The following CDH13 variants were observed in gnomAD, a reference collection of about 807,000 sequenced individuals.
CDH13 encodes the protein cadherin 13.
Under a neutral mutation model 63.8 loss-of-function variants are expected in CDH13, and 24 were observed. The ratio of observed to expected loss-of-function variants is 0.38; its 90% CI spans 0.27 to 0.53. The LOEUF (loss-of-function observed/expected upper bound fraction) is 0.53, where lower values mean the gene tolerates loss of function less well. Among genes scored for constraint, CDH13 ranks in the 20% least tolerant of loss-of-function variants. The probability of loss-of-function intolerance (pLI) is 0.85; values close to 1 mark genes in which losing one functional copy is unlikely to be tolerated. For synonymous variants in CDH13, 503 were observed against 355.3 expected, an observed-to-expected ratio of 1.42 and a Z score of -4.67; for missense variants, 1,049 against 903.1, an observed-to-expected ratio of 1.16 and a Z score of -2.07.
At chr16:82,936,044 C>T (rs2042656816) in intron 2 of CDH13, among the ~76,000 whole-genome samples, 2 of 152,042 alleles carry the variant, frequency 1.3e-5, no homozygotes, top group Non-Finnish European at 2.9e-5. Context: ...GGTCACCCCA[C>T]CCTAATCTTA....
At chr16:83,787,477 TGAATAC>T (rs1381806474) in intron 13 of CDH13, among the ~76,000 whole-genome samples, 3 of 152,238 alleles carry the variant, frequency 2.0e-5, no homozygotes, top group Admixed American at 1.3e-4. Context: ...TCCTGTCATT[TGAATAC>T]GGTGCAGTGG....
intron 2 of CDH13, among the ~76,000 whole-genome samples, chr16:83,007,326 A>T (rs1210438948): frequency 2.0e-5 from 3 of 152,234 alleles, no homozygotes; most frequent in African/African-American, 7.2e-5. Context: ...TGTAGTCTTC[A>T]CTATAATCCA....
intron 1 of CDH13, among the ~76,000 whole-genome samples, chr16:82,755,413 G>C (rs531453728): frequency 6.6e-6 from 1 of 152,218 alleles, no homozygotes; most frequent in Non-Finnish European, 1.5e-5. Flanking sequence ...TTAGAAAAGG[G>C]AGTGCACAGG....
At chr16:82,943,028 A>G (rs1904315723) in intron 2 of CDH13, among the ~76,000 whole-genome samples, 1 of 152,230 alleles carries the variant, frequency 6.6e-6, no homozygotes, top group Admixed American at 6.5e-5. Context: ...TCCCATTTTA[A>G]TATGACAGCT....
In CDH13 at chr16:83,433,371, G is replaced by A. The variant is rs1329412540; in HGVS notation, c.782-53106G>A. Among the ~76,000 whole-genome samples, 5 of 152,314 alleles carry A rather than the reference G, an allele frequency of 3.3e-5. No individual in the cohort carries two copies. In the East Asian group the frequency reaches 7.7e-4, roughly 23 times the overall value. ...TAGTTCCAATGAGTCAGCAAAAAATGAGAAACACGAAAAAGCTTTGTGACT... is the reference window on the plus strand; with the variant it reads ...TAGTTCCAATGAGTCAGCAAAAAATAAGAAACACGAAAAAGCTTTGTGACT... On this transcript the variant is annotated intron_variant, in intron 6 of 13. Transcript: ENST00000567109.
chr16:83,534,514 A>C (rs1337666979), intron 7 of CDH13, among the ~76,000 whole-genome samples: 1 of 152,176 alleles, frequency 6.6e-6, no homozygotes, highest in Non-Finnish European at 1.5e-5. Flanking sequence ...CCTGGCTAGC[A>C]CCTATGTGAA....
chr16:83,051,161 A>G (rs560967199), intron 3 of CDH13, among the ~76,000 whole-genome samples: 130 of 152,320 alleles, frequency 8.5e-4, no homozygotes, highest in African/African-American at 3.0e-3. Context: ...AAAGGCTGTC[A>G]GTCTTCCCAT....
At chr16:83,215,073 CTTTTT>C (rs571565652) in intron 4 of CDH13, among the ~76,000 whole-genome samples, 2 of 56,232 alleles carry the variant, frequency 3.6e-5, no homozygotes, top group African/African-American at 7.2e-5. Flanking sequence ...TCAAACACCT[CTTTTT>C]TTTTTTTTTT....
intron 7 of CDH13, chr16:83,508,391 GT>G (rs1228839853): frequency 6.5e-6 from 1 of 154,322 alleles, no homozygotes; most frequent in African/African-American, 2.4e-5. Context: ...CGATGCTTGG[GT>G]TGGATCATAG....
intron 1 of CDH13, among the ~76,000 whole-genome samples, chr16:82,743,214 G>A (rs981090642): frequency 6.6e-6 from 1 of 152,118 alleles, no homozygotes; most frequent in Non-Finnish European, 1.5e-5. Flanking sequence ...TTTAATAATT[G>A]TAGACCAGTG....
chr16:82,894,963 A>G (rs1455606890), intron 2 of CDH13, among the ~76,000 whole-genome samples: 1 of 152,116 alleles, frequency 6.6e-6, no homozygotes, highest in South Asian at 2.1e-4. Flanking sequence ...AGAGGTAGGG[A>G]AGGGGGATGA....
intron 5 of CDH13, among the ~76,000 whole-genome samples, chr16:83,219,112 C>G (rs968045679): frequency 3.3e-5 from 5 of 152,120 alleles, no homozygotes; most frequent in African/African-American, 1.2e-4. Flanking sequence ...CCATTCAGGT[C>G]TCAGTGCTGC....
intron 10 of CDH13, among the ~76,000 whole-genome samples, chr16:83,737,841 C>A (rs893673001): frequency 5.0e-4 from 76 of 152,208 alleles, no homozygotes; most frequent in Non-Finnish European, 1.2e-4. Flanking sequence ...AGGCAGAGAT[C>A]CACATTGGAA....
chr16:83,187,007 G>A (rs558410294), intron 4 of CDH13, among the ~76,000 whole-genome samples: 3 of 151,932 alleles, frequency 2.0e-5, no homozygotes, highest in South Asian at 4.2e-4. Flanking sequence ...GTCTCGCTCT[G>A]TCACCCAGGC....
At chr16:83,062,123 A>C (rs1188875596) in intron 3 of CDH13, among the ~76,000 whole-genome samples, 1 of 152,234 alleles carries the variant, frequency 6.6e-6, no homozygotes, top group African/African-American at 2.4e-5. Flanking sequence ...TGAGCTTTGC[A>C]TCTGGAAAGA....
At chr16:83,131,775 T>C (rs1246950327) in intron 4 of CDH13, among the ~76,000 whole-genome samples, 1 of 152,206 alleles carries the variant, frequency 6.6e-6, no homozygotes, top group East Asian at 1.9e-4. Flanking sequence ...GAAAATCCTG[T>C]TTTAAAGACC....
intron 1 of CDH13, among the ~76,000 whole-genome samples, chr16:82,832,344 A>AT (rs991191187): frequency 6.6e-6 from 1 of 152,168 alleles, no homozygotes; most frequent in Non-Finnish European, 1.5e-5. Context: ...TTCAACCCTT[A>AT]TTAATGCATT....
chr16:83,770,325 G>A (rs574677785), intron 11 of CDH13, among the ~76,000 whole-genome samples: 5 of 152,248 alleles, frequency 3.3e-5, no homozygotes, highest in South Asian at 2.1e-4. Context: ...TCTTATGGAC[G>A]GGGAAGTGCT....
intron 1 of CDH13, among the ~76,000 whole-genome samples, chr16:82,690,844 T>C (rs1421942307): frequency 6.6e-6 from 1 of 152,220 alleles, no homozygotes; most frequent in Non-Finnish European, 1.5e-5. Context: ...CTGAGCTGAC[T>C]GTCAACCCCG....
Sources: gnomAD v4.1 joint callset for allele counts (sites outside exome capture counted in the v4.1 genomes callset) on GRCh38, gnomAD v4.1.1 for gene constraint, MANE v1.5 for transcripts, NCBI Gene and HGNC (gene_info 2026-07-23, HGNC 2026-07-21) for gene names.